Variants in FOCAD observed in about 807,000 individuals in gnomAD.
FOCAD encodes KIAA1797.
In FOCAD, 198 loss-of-function variants were observed where a neutral mutation model predicts 225.6. That is an observed-to-expected ratio of 0.88 (90% CI 0.78 to 0.99). The LOEUF is 0.99. Ranked by LOEUF, FOCAD falls within the 50% of genes least tolerant of loss-of-function variation. The pLI, the probability that FOCAD is intolerant of heterozygous loss-of-function variation, is 0.00. For missense variants in FOCAD, 2,713 were observed against 2,123.6 expected (o/e 1.28, Z -5.46); for synonymous variants, 897 against 755.0 (o/e 1.19, Z -3.08).
intron 11 of FOCAD, among the ~76,000 whole-genome samples, chr9:20,818,219 C>T (rs938119737): frequency 6.6e-6 from 1 of 151,614 alleles, no homozygotes; most frequent in African/African-American, 2.4e-5. Flanking sequence ...ATTTTAAAAC[C>T]TTTTTTTTGG....
At chr9:20,783,002 A>G (rs1004319257) in intron 10 of FOCAD, among the ~76,000 whole-genome samples, 7 of 152,228 alleles carry the variant, frequency 4.6e-5, no homozygotes, top group African/African-American at 1.7e-4. Flanking sequence ...ACAAAATCCG[A>G]TCAAAAAATT....
chr9:20,717,633 A>C (rs1489673041), intron 2 of FOCAD, among the ~76,000 whole-genome samples, 161 bp from the exon 3 acceptor site: 2 of 152,236 alleles, frequency 1.3e-5, no homozygotes, highest in Admixed American at 1.3e-4. Context: ...GAAATTGTGC[A>C]TGTGGAGTGC....
At chr9:20,681,162 G>A (rs1036381233), upstream of FOCAD, among the ~76,000 whole-genome samples, 11 of 152,254 alleles carry the variant, frequency 7.2e-5, no homozygotes, top group South Asian at 1.0e-3. Flanking sequence ...TCAGTGAAGC[G>A]TAAAAAAATT....
intron 4 of FOCAD, among the ~76,000 whole-genome samples, chr9:20,727,025 A>G (rs1471560477): frequency 6.6e-6 from 1 of 152,126 alleles, no homozygotes; most frequent in Non-Finnish European, 1.5e-5. Context: ...ATGTGGTTTC[A>G]AGGTTTATAT....
At chr9:20,956,603 G>C (rs996180406) in intron 35 of FOCAD, among the ~76,000 whole-genome samples, 1 of 152,042 alleles carries the variant, frequency 6.6e-6, no homozygotes, top group Non-Finnish European at 1.5e-5. Flanking sequence ...TAGCACCCAT[G>C]TCTTCCAAAA....
chr9:20,795,214 T>TA (rs1386579313), intron 11 of FOCAD, among the ~76,000 whole-genome samples: 3 of 152,332 alleles, frequency 2.0e-5, no homozygotes, highest in Admixed American at 6.5e-5. Flanking sequence ...GCTTAAATCT[T>TA]ACCTTATTAG....
In FOCAD at chr9:20,995,692, G is replaced by A; in HGVS notation, c.*63G>A. On this transcript the variant is annotated 3_prime_UTR_variant, in exon 44 of 44. Transcript: ENST00000338382. ...GAGGAAAACCATATAAGTGGAAGAAGTTTTTCAGAATTCATGCCTGGTATT... is the reference window on the plus strand; with the variant it reads ...GAGGAAAACCATATAAGTGGAAGAAATTTTTCAGAATTCATGCCTGGTATT... The A allele has an allele frequency of 6.8e-7, 1 of 1,472,962 alleles. No homozygotes were observed. The highest frequency in any genetic ancestry group is 9.5e-7 in the Non-Finnish European group (1 of 1,055,660). 91.2% of individuals were successfully genotyped at this position (1,472,962 alleles called of 1,614,324 possible). A position where few individuals can be genotyped will look rare whatever the true frequency, so the allele number is the denominator to read the frequency against.
In FOCAD at chr9:20,893,309, A is replaced by C. The variant is rs369591017; in HGVS notation, c.2625+8079A>C. On this transcript the variant is annotated intron_variant, in intron 21 of 43. Transcript: ENST00000338382. The stretch of plus-strand genomic sequence containing the variant: ...CTTTTATATCCACTGGGAAACAAAA[A>C]AAACTGTATGACTCTCTTTATTGGA... Among the ~76,000 whole-genome samples the C allele has an allele frequency of 8.6e-5, 13 of 150,618 alleles. No individual in the cohort carries two copies. In the East Asian group the frequency reaches 2.2e-3, roughly 25 times the overall value.
chr9:20,756,612 G>C (rs1455762842), intron 5 of FOCAD, among the ~76,000 whole-genome samples: 2 of 152,170 alleles, frequency 1.3e-5, no homozygotes, highest in Admixed American at 1.3e-4. Context: ...TTGCAACCAA[G>C]AATAGGAACC....
intron 39 of FOCAD, among the ~76,000 whole-genome samples, chr9:20,982,708 A>T (rs1353107843): frequency 3.9e-5 from 6 of 152,166 alleles, no homozygotes; most frequent in Admixed American, 2.6e-4. Flanking sequence ...ACCTGATCCT[A>T]TCCTTAGGAA....
At chr9:20,971,929 C>CT (rs1839800873) in intron 35 of FOCAD, among the ~76,000 whole-genome samples, 3 of 152,012 alleles carry the variant, frequency 2.0e-5, no homozygotes, top group Admixed American at 2.0e-4. Flanking sequence ...GCATGATTTT[C>CT]TTTTTTTATA....
chr9:20,737,931 A>G (rs1242446699), intron 4 of FOCAD, among the ~76,000 whole-genome samples: 1 of 152,232 alleles, frequency 6.6e-6, no homozygotes, highest in Admixed American at 6.5e-5. Context: ...TAAATTGGTG[A>G]TAGAGCAGTT....
intron 4 of FOCAD, among the ~76,000 whole-genome samples, chr9:20,728,908 G>T (rs931492686): frequency 6.6e-6 from 1 of 152,170 alleles, no homozygotes; most frequent in African/African-American, 2.4e-5. Flanking sequence ...AAACAAATGG[G>T]ATATAAACTG....
intron 28 of FOCAD, among the ~76,000 whole-genome samples, chr9:20,935,118 A>G (rs1835834009): frequency 1.3e-5 from 2 of 152,218 alleles, no homozygotes; most frequent in Admixed American, 6.5e-5. Flanking sequence ...TAGATAAAAC[A>G]ATCTTAAAAT....
chr9:20,835,525 C>A (rs574658949), intron 15 of FOCAD, among the ~76,000 whole-genome samples: 2 of 152,104 alleles, frequency 1.3e-5, no homozygotes, highest in South Asian at 4.1e-4. Context: ...GTGAATGAGT[C>A]ATAATATTTC....
chr9:20,667,364 C>G (rs1462092609), intron 2 of FOCAD, among the ~76,000 whole-genome samples: 1 of 152,182 alleles, frequency 6.6e-6, no homozygotes, highest in Non-Finnish European at 1.5e-5. Flanking sequence ...TGTTGGCAGT[C>G]TTAAAGCTAA....
At chr9:20,679,237 A>T (rs894089052) in intron 2 of FOCAD, among the ~76,000 whole-genome samples, 3 of 150,662 alleles carry the variant, frequency 2.0e-5, no homozygotes, top group Admixed American at 1.3e-4. Flanking sequence ...TTTTGTAAGA[A>T]CTTTCGCTTT....
rs1325621080 is a variant in FOCAD, at chr9:20,940,930, TTTC to T, written c.3408-3695_3408-3693del. On this transcript the variant is annotated intron_variant, in intron 28 of 43. Transcript: ENST00000338382. ...GACAGTATACTGTGTATTTATTTTT[TTTC>T]TGACATGCAAGTGTCACCCACACTT... Among the ~76,000 whole-genome samples the T allele has an allele frequency of 4.6e-5, 7 of 152,356 alleles. 1 individual carries two copies. Among genetic ancestry groups the T allele is most frequent in the African/African-American group, 1.7e-4 (7 of 41,586 alleles).
intron 11 of FOCAD, among the ~76,000 whole-genome samples, chr9:20,815,166 G>A (rs535105758): frequency 9.3e-5 from 6 of 64,260 alleles, no homozygotes; most frequent in South Asian, 1.1e-3. Context: ...AGACAGTCTC[G>A]CTTTGTCTCC....
Sources: gnomAD v4.1 joint callset for allele counts (sites outside exome capture counted in the v4.1 genomes callset) on GRCh38, gnomAD v4.1.1 for gene constraint, MANE v1.5 for transcripts, NCBI Gene and HGNC (gene_info 2026-07-23, HGNC 2026-07-21) for gene names.